Variants in HNF1A observed in about 807,000 individuals in gnomAD.
The protein encoded by HNF1A is HNF1 homeobox A, also known as hepatocyte nuclear factor 1-alpha.
In HNF1A, 21 loss-of-function variants were observed where a neutral mutation model predicts 62.2. The observed-to-expected ratio is 0.34, with a 90% confidence interval of 0.24 to 0.49. The LOEUF (loss-of-function observed/expected upper bound fraction) is 0.49, where lower values mean the gene tolerates loss of function less well. Ranked by LOEUF, HNF1A falls within the 20% of genes least tolerant of loss-of-function variation. The pLI is 0.99. For synonymous variants in HNF1A, 374 were observed against 366.8 expected (o/e 1.02, Z -0.22); for missense variants, 687 against 832.3 (o/e 0.83, Z 2.15).
Position 121,001,795 on chromosome 12 carries a change from G to A in HNF1A, c.*603G>A, listed in dbSNP as rs11065390. ...CTGTGCCAGAGCCTGGGGCTCTAAC[G>A]CCTGAGCCCAGGGAGGCCGAAGCTA... is the stretch of plus-strand genomic sequence containing the variant. On this transcript the variant is annotated 3_prime_UTR_variant, in exon 10 of 10. Transcript: ENST00000257555. 0.049 allele frequency: 26,227 copies of A among 536,014 alleles called. 1,483 individuals are homozygous for A. Among genetic ancestry groups the A allele is most frequent in the East Asian group, 0.2 (5,264 of 25,764 alleles). 33.2% of individuals were successfully genotyped at this position (536,014 alleles called of 1,614,324 possible).
Position 120,978,915 on chromosome 12 carries a change from C to T in HNF1A, c.147C>T (p.Ser49=), listed in dbSNP as rs1184439814. The T allele has an allele frequency of 6.2e-7, 1 of 1,612,148 alleles. No homozygotes were observed. The highest frequency in any genetic ancestry group is 1.7e-5 in the Admixed American group (1 of 59,710). ...AGEGPLDKGE[S]CGGGRGELAE... is the part of the protein sequence containing the mutation. ...AAGGCCCCCTGGACAAGGGGGAGTC[C>T]TGCGGCGGCGGTCGAGGGGAGCTGG... Residue 49 remains serine, a synonymous_variant, in exon 1 of 10, where the codon TCC becomes TCT. Coordinates refer to ENST00000257555, the MANE Select transcript of HNF1A (RefSeq NM_000545.8).
chr12:120,987,297 A>C (rs1460089668), intron 1 of HNF1A, among the ~76,000 whole-genome samples: 1 of 151,682 alleles, frequency 6.6e-6, no homozygotes, highest in Non-Finnish European at 1.5e-5. Flanking sequence ...ACACGGTGAA[A>C]CCCCGTCTCT....
At chr12:121,000,264 G>A (rs779766956) in intron 9 of HNF1A, among the ~76,000 whole-genome samples, 14 of 152,072 alleles carry the variant, frequency 9.2e-5, no homozygotes, top group Non-Finnish European at 1.6e-4. Context: ...TCCTGGACCC[G>A]GCCCTGGCAG....
Position 120,988,959 on chromosome 12 carries a change from C to T in HNF1A, c.453C>T (p.Gly151=). The change falls in exon 2 of 10, where the codon GGC becomes GGT. Residue 151 remains glycine, a synonymous_variant. Coordinates refer to ENST00000257555, the MANE Select transcript of HNF1A (RefSeq NM_000545.8). The part of the protein sequence containing the change: ...QSHLSQHLNK[G]TPMKTQKRAA... ...ACCTGTCCCAACACCTCAACAAGGG[C>T]ACTCCCATGAAGACGCAGAAGCGGG... 1 of 1,614,248 alleles carries T rather than the reference C, an allele frequency of 6.2e-7. No homozygotes were observed. Among genetic ancestry groups the T allele is most frequent in the Non-Finnish European group, 8.5e-7 (1 of 1,180,046 alleles).
intron 2 of HNF1A, among the ~76,000 whole-genome samples, chr12:120,993,019 C>T (rs56087915): frequency 0.027 from 4,184 of 152,280 alleles, 114 homozygotes; most frequent in East Asian, 0.12. Context: ...CTGATGAAGG[C>T]TGGCTGGGTC....
At chr12:120,991,892 G>T (rs921920883) in intron 2 of HNF1A, among the ~76,000 whole-genome samples, 9 of 152,106 alleles carry the variant, frequency 5.9e-5, no homozygotes, top group Non-Finnish European at 1.3e-4. Context: ...TACAATATTC[G>T]ATAAAATGCA....
In HNF1A at chr12:121,001,444, A is replaced by G; in HGVS notation, c.*252A>G. 1.8e-6 allele frequency: 1 copy of G among 543,242 alleles called. No homozygotes were observed. Among genetic ancestry groups the G allele is most frequent in the Non-Finnish European group, 3.3e-6 (1 of 299,850 alleles). The allele number at this position is 543,242 out of a possible 1,614,324, so 33.7% of individuals were successfully genotyped here. On this transcript the variant is annotated 3_prime_UTR_variant, in exon 10 of 10. Transcript: ENST00000257555. ...AGCAAAGCCTGTTCATGGCAGATGT[A>G]GGAGGGACTGTCGCTGCTTCGTGGG...
chr12:120,999,696 T>A, intron 9 of HNF1A, 69 bp downstream of exon 9: 5 of 1,546,350 alleles, frequency 3.2e-6, no homozygotes, highest in Non-Finnish European at 3.5e-6. Flanking sequence ...CCACCCCTTC[T>A]GTTGCTGTCC....
rs749435138 is a variant in HNF1A at position 120,998,336 on chromosome 12, A to C, written c.1501+671A>C. On this transcript the variant is annotated intron_variant, in intron 7 of 9. Transcript: ENST00000257555. ...TTGGTGGATATGCCAGCTATCACATAACACTCCCAGCAGGGTTTGAGACAG... is the reference window on the plus strand; with the variant it reads ...TTGGTGGATATGCCAGCTATCACATCACACTCCCAGCAGGGTTTGAGACAG... 7.2e-4 allele frequency: 116 copies of C among 160,398 alleles called. 2 individuals carry two copies. The highest frequency in any genetic ancestry group is 6.4e-4 in the Admixed American group (11 of 17,158). The allele number at this position is 160,398 out of a possible 1,614,324, so 9.9% of individuals were successfully genotyped here. A position where few individuals can be genotyped will look rare whatever the true frequency, so the allele number is the denominator to read the frequency against.
In HNF1A at chr12:120,996,978, G is replaced by C. The variant is rs1183555811; in HGVS notation, c.1309+236G>C. The C allele has an allele frequency of 6.6e-6, 10 of 1,508,120 alleles. No individual in the cohort carries two copies. In the East Asian group the frequency reaches 2.5e-4, roughly 38 times the overall value. The allele number at this position is 1,508,120 out of a possible 1,614,324, so 93.4% of individuals were successfully genotyped here. A position where few individuals can be genotyped will look rare whatever the true frequency, so the allele number is the denominator to read the frequency against. On this transcript the variant is annotated intron_variant, in intron 6 of 9. Coordinates refer to ENST00000257555, the MANE Select transcript of HNF1A (RefSeq NM_000545.8). The surrounding 1 kb of genome is among the most constrained non-coding windows in gnomAD (Gnocchi z 4.5). ...GCACTAAGCATAATACATCAATTCTGTGGTACCTCAGAAGGTGAAGGGTCT... is the reference window on the plus strand; with the variant it reads ...GCACTAAGCATAATACATCAATTCTCTGGTACCTCAGAAGGTGAAGGGTCT...
At chr12:120,982,461 G>A (rs1017197977) in intron 1 of HNF1A, among the ~76,000 whole-genome samples, 2 of 143,020 alleles carry the variant, frequency 1.4e-5, no homozygotes, top group African/African-American at 5.2e-5. Flanking sequence ...CACGGCAGGA[G>A]GGGGGGGGGA....
chr12:120,993,678 C>A lies in HNF1A; in HGVS notation c.685C>A (p.Arg229=), dbSNP rs769086289. 12 of 1,613,844 alleles carry A rather than the reference C, an allele frequency of 7.4e-6. No homozygotes were observed. The Admixed American group carries it at 1.5e-4, about 20-fold the overall frequency. ...ERQKNPSKEE[R]ETLVEECNRA... is the part of the protein sequence containing the mutation. ...GCAGAAGAACCCTAGCAAGGAGGAG[C>A]GAGAGACGCTAGTGGAGGAGTGCAA... Residue 229 remains arginine (R), a synonymous_variant, in exon 3 of 10, where the codon CGA becomes AGA. Transcript: ENST00000257555.
In HNF1A at chr12:120,996,327, T is replaced by C. The variant is rs2135845211; in HGVS notation, c.1021T>C (p.Leu341=). The change falls in exon 5 of 10, where the codon TTA becomes CTA. Residue 341 remains leucine (L), a synonymous_variant. Transcript: ENST00000257555. The surrounding 1 kb of genome is among the most constrained non-coding windows in gnomAD (Gnocchi z 4.5). ...AEVPSSSGGP[L]VTVSTPLHQV... is the part of the protein sequence containing the mutation. ...AGTACCCTCAAGCAGCGGCGGTCCC[T>C]TAGTGACAGTGTCTACACCCCTCCA... 7 of 1,614,092 alleles carry C rather than the reference T, an allele frequency of 4.3e-6. No homozygotes were observed. Among genetic ancestry groups the C allele is most frequent in the Non-Finnish European group, 5.9e-6 (7 of 1,180,012 alleles).
chr12:120,990,302 C>T (rs920974305), intron 2 of HNF1A, among the ~76,000 whole-genome samples: 2 of 152,216 alleles, frequency 1.3e-5, no homozygotes, highest in South Asian at 2.1e-4. Flanking sequence ...CCACCACGCC[C>T]AGCTAATTTT....
At chr12:120,999,187 C>A in intron 7 of HNF1A, 81 bp from the exon 8 acceptor site, 1 of 1,555,512 alleles carries the variant, frequency 6.4e-7, no homozygotes. Context: ...GCCCCATGCC[C>A]CCCTTTCCCC....
At position 121,001,436 on chromosome 12, in the gene HNF1A, G is replaced by A; in HGVS notation, c.*244G>A. 1.8e-6 allele frequency: 1 copy of A among 553,422 alleles called. No individual in the cohort carries two copies. Among genetic ancestry groups the A allele is most frequent in the East Asian group, 3.1e-5 (1 of 32,738 alleles). 34.3% of individuals were successfully genotyped at this position (553,422 alleles called of 1,614,324 possible). ...GAGCTAGGAGCAAAGCCTGTTCATG[G>A]CAGATGTAGGAGGGACTGTCGCTGC... On this transcript the variant is annotated 3_prime_UTR_variant, in exon 10 of 10. Coordinates refer to ENST00000257555, the MANE Select transcript of HNF1A (RefSeq NM_000545.8).
intron 1 of HNF1A, among the ~76,000 whole-genome samples, chr12:120,984,000 A>G (rs1166201689): frequency 6.6e-6 from 1 of 151,248 alleles, no homozygotes; most frequent in African/African-American, 2.4e-5. Context: ...ATAGCAAGGG[A>G]GTGGGGGGTA....
intron 1 of HNF1A, among the ~76,000 whole-genome samples, chr12:120,985,903 TGAACCTGGG>T (rs1876485547): frequency 6.6e-6 from 1 of 151,762 alleles, no homozygotes; most frequent in African/African-American, 2.4e-5. Context: ...GAGAATCGCT[TGAACCTGGG>T]AATCAGAGGT....
rs2135839145 is a variant in HNF1A, at chr12:120,993,580, C to T, written c.587C>T (p.Thr196Ile). Residue 196 changes from threonine to isoleucine, a missense_variant, in exon 3 of 10, where the codon ACC becomes ATC. Physicochemically the swap from Thr to Ile is moderately conservative, Grantham distance 89. Around this residue, in one of 5 missense-constraint regions of HNF1A, gnomAD observed 47 missense variants for 52.5 expected, o/e 0.90. Coordinates refer to ENST00000257555, the MANE Select transcript of HNF1A (RefSeq NM_000545.8). ...GAGCCCACAGGTGATGAGCTACCAA[C>T]CAAGAAGGGGCGGAGGAACCGTTTC... Reference protein sequence around the residue: ...IEEPTGDELPTKKGRRNRFKW... With the variant: ...IEEPTGDELPIKKGRRNRFKW... 1.2e-6 allele frequency: 2 copies of T among 1,614,114 alleles called. No individual in the cohort carries two copies. The highest frequency in any genetic ancestry group is 1.7e-6 in the Non-Finnish European group (2 of 1,180,022).
Sources: allele counts gnomAD v4.1 joint callset (sites outside exome capture counted in the v4.1 genomes callset), GRCh38; gene constraint gnomAD v4.1.1; regional missense constraint gnomAD v4.1.1; non-coding constraint Gnocchi (gnomAD v3.1); transcripts MANE v1.5; gene names NCBI Gene and HGNC (gene_info 2026-07-23, HGNC 2026-07-21).